HCN1: variants seen among roughly 807,000 people sequenced by gnomAD.
HCN1 encodes the protein potassium/sodium hyperpolarization-activated cyclic nucleotide-gated channel 1.
A neutral mutation model predicts 78.9 loss-of-function variants in HCN1; 13 were observed. That is an observed-to-expected ratio of 0.16 (90% CI 0.11 to 0.26). HCN1 has a LOEUF of 0.26. Ranked by LOEUF, HCN1 falls within the 10% of genes least tolerant of loss-of-function variation. HCN1 has a pLI of 1.00. For missense variants in HCN1, 810 were observed against 1,154.3 expected, an observed-to-expected ratio of 0.70 and a Z score of 4.32; for synonymous variants, 552 against 455.5, an observed-to-expected ratio of 1.21 and a Z score of -2.70.
At chr5:45,339,309 G>A (rs1746527175) in intron 5 of HCN1, among the ~76,000 whole-genome samples, 1 of 152,138 alleles carries the variant, frequency 6.6e-6, no homozygotes, top group Non-Finnish European at 1.5e-5. Flanking sequence ...ACAGAGTAGT[G>A]ACAGAAAATT....
At chr5:45,388,143 C>A (rs1747965429) in intron 4 of HCN1, among the ~76,000 whole-genome samples, 1 of 152,114 alleles carries the variant, frequency 6.6e-6, no homozygotes, top group Non-Finnish European at 1.5e-5. Flanking sequence ...ACTGCCCATT[C>A]AAAATATATG....
chr5:45,598,273 T>A (rs1418113122), intron 2 of HCN1, among the ~76,000 whole-genome samples: 1 of 151,902 alleles, frequency 6.6e-6, no homozygotes, highest in Non-Finnish European at 1.5e-5. Context: ...GCATCTACAA[T>A]CATCTGATCT....
At chr5:45,368,392 T>C (rs1158650866) in intron 4 of HCN1, among the ~76,000 whole-genome samples, 2 of 151,948 alleles carry the variant, frequency 1.3e-5, no homozygotes, top group East Asian at 1.9e-4. Flanking sequence ...AAAGTTAAGA[T>C]GGTGGGCTAA....
At chr5:45,458,473 C>T (rs1178085461) in intron 3 of HCN1, among the ~76,000 whole-genome samples, 1 of 152,022 alleles carries the variant, frequency 6.6e-6, no homozygotes, top group African/African-American at 2.4e-5. Context: ...TTTGATTTCT[C>T]AACTTGATTT....
Position 45,257,604 on chromosome 5 carries a change from G to A in HCN1, c.*4317C>T, listed in dbSNP as rs1486689124. ...CCTGTCAAAGCCTGAATTGGAAGCA[G>A]GGTCAGCATTAGGGTGAGACAAGAG... On this transcript the variant is annotated 3_prime_UTR_variant, in exon 8 of 8. Coordinates refer to ENST00000303230, the MANE Select transcript of HCN1 (RefSeq NM_021072.4). The A allele has an allele frequency of 6.6e-6, 1 of 152,150 alleles. No homozygotes were observed. Among genetic ancestry groups the A allele is most frequent in the Non-Finnish European group, 1.5e-5 (1 of 68,034 alleles). 9.4% of individuals were successfully genotyped at this position (152,150 alleles called of 1,614,324 possible). A position where few individuals can be genotyped will look rare whatever the true frequency, so the allele number is the denominator to read the frequency against.
At chr5:45,328,567 T>A (rs1486886171) in intron 5 of HCN1, among the ~76,000 whole-genome samples, 1 of 151,652 alleles carries the variant, frequency 6.6e-6, no homozygotes, top group Non-Finnish European at 1.5e-5. Context: ...ACAGTTTACC[T>A]GATAACCAAG....
chr5:45,597,441 G>A (rs1744524768), intron 2 of HCN1, among the ~76,000 whole-genome samples: 1 of 152,254 alleles, frequency 6.6e-6, no homozygotes, highest in African/African-American at 2.4e-5. Flanking sequence ...AGCTATTTAT[G>A]ACAAACCCAC....
intron 2 of HCN1, among the ~76,000 whole-genome samples, chr5:45,481,926 G>T (rs1406623996): frequency 1.3e-5 from 2 of 151,892 alleles, no homozygotes; most frequent in Non-Finnish European, 2.9e-5. Flanking sequence ...ATCTATTTCA[G>T]AGGGTTGTAT....
At chr5:45,456,154 G>A (rs545216039) in intron 3 of HCN1, among the ~76,000 whole-genome samples, 11 of 151,860 alleles carry the variant, frequency 7.2e-5, no homozygotes, top group African/African-American at 2.7e-4. Context: ...AGAATTAGAG[G>A]CTTATTAATT....
At chr5:45,685,783 T>C (rs1008135810) in intron 1 of HCN1, among the ~76,000 whole-genome samples, 1 of 151,746 alleles carries the variant, frequency 6.6e-6, no homozygotes, top group Non-Finnish European at 1.5e-5. Flanking sequence ...ATATATAAAA[T>C]ATGGCATTGC....
intron 2 of HCN1, among the ~76,000 whole-genome samples, chr5:45,584,764 G>T (rs982678962): frequency 1.3e-5 from 2 of 152,064 alleles, no homozygotes; most frequent in Non-Finnish European, 2.9e-5. Flanking sequence ...GTCTGTAAAG[G>T]ATTTTATTTC....
chr5:45,432,962 G>A (rs1270027936), intron 3 of HCN1, among the ~76,000 whole-genome samples: 1 of 152,132 alleles, frequency 6.6e-6, no homozygotes, highest in Non-Finnish European at 1.5e-5. Context: ...AGGCAGGCAA[G>A]AGAGTGTGTG....
At chr5:45,618,270 G>T (rs919041538) in intron 2 of HCN1, among the ~76,000 whole-genome samples, 2 of 151,934 alleles carry the variant, frequency 1.3e-5, no homozygotes, top group Non-Finnish European at 2.9e-5. Flanking sequence ...GAGGGGTGGG[G>T]ATGAATACTA....
intron 1 of HCN1, among the ~76,000 whole-genome samples, chr5:45,692,003 G>A (rs1313719117): frequency 1.3e-5 from 2 of 152,166 alleles, no homozygotes; most frequent in Admixed American, 1.3e-4. Context: ...ATACAAAACT[G>A]CCTCCGTTAT....
In HCN1 at chr5:45,372,016, A is replaced by AATATATATAATATAATTATATATATT. The variant is rs1561127718; in HGVS notation, c.1231-18771_1231-18770insAATATATATAATTATATTATATATAT. On this transcript the variant is annotated intron_variant, in intron 4 of 7. Transcript: ENST00000303230. ...GTAATATATATAGTATATATCATAT[A>AATATATATAATATAATTATATATATT]ATATATATAATATAATTATATATAT... Among the ~76,000 whole-genome samples the AATATATATAATATAATTATATATATT allele has an allele frequency of 9.6e-4, 62 of 64,652 alleles. No homozygotes were observed. In the Admixed American group the frequency reaches 0.016, roughly 16 times the overall value. The allele number at this position is 64,652 out of a possible 152,430, so 42.4% of individuals were successfully genotyped here.
intron 2 of HCN1, chr5:45,642,041 T>G (rs1381586612): frequency 6.6e-6 from 1 of 152,116 alleles, no homozygotes; most frequent in Admixed American, 6.6e-5. Flanking sequence ...CAAATAATAG[T>G]TTTTTAAAAC....
intron 2 of HCN1, among the ~76,000 whole-genome samples, chr5:45,520,854 T>A (rs1242078932): frequency 6.6e-6 from 1 of 151,974 alleles, no homozygotes; most frequent in Non-Finnish European, 1.5e-5. Flanking sequence ...TAATATAATA[T>A]AAGTGTTATC....
intron 2 of HCN1, among the ~76,000 whole-genome samples, chr5:45,606,871 G>A (rs957929000): frequency 6.6e-6 from 1 of 151,856 alleles, no homozygotes; most frequent in Non-Finnish European, 1.5e-5. Context: ...TGATAAAAAT[G>A]CTATATATGA....
intron 2 of HCN1, among the ~76,000 whole-genome samples, chr5:45,475,579 T>C (rs1230999206): frequency 6.6e-6 from 1 of 152,092 alleles, no homozygotes. Flanking sequence ...GAATTCAGTA[T>C]TTCTGACAAG....
Sources: allele counts gnomAD v4.1 joint callset (sites outside exome capture counted in the v4.1 genomes callset), GRCh38; gene constraint gnomAD v4.1.1; transcripts MANE v1.5; gene names NCBI Gene and HGNC (gene_info 2026-07-23, HGNC 2026-07-21).